The following EFNA5 variants were observed in gnomAD, a reference collection of about 807,000 sequenced individuals.
EFNA5 encodes ephrin-A5.
Under a neutral mutation model 22.9 loss-of-function variants are expected in EFNA5, and 5 were observed. The observed-to-expected ratio is 0.22, with a 90% CI of 0.11 to 0.46. The LOEUF is 0.46. EFNA5 is among the 20% of genes least tolerant of loss of function. The pLI, the probability that EFNA5 is intolerant of heterozygous loss-of-function variation, is 0.99. For missense variants in EFNA5, 237 were observed against 293.3 expected (o/e 0.81, Z 1.40); for synonymous variants, 113 against 112.2 (o/e 1.01, Z -0.04).
chr5:107,498,392 A>G (rs930237999), intron 1 of EFNA5, among the ~76,000 whole-genome samples: 1 of 152,200 alleles, frequency 6.6e-6, no homozygotes, highest in Non-Finnish European at 1.5e-5. Context: ...CTCACTCACA[A>G]ATTTCTTGAT....
intron 1 of EFNA5, among the ~76,000 whole-genome samples, chr5:107,656,851 C>G (rs1045628609): frequency 1.3e-5 from 2 of 152,012 alleles, no homozygotes; most frequent in African/African-American, 4.8e-5. Flanking sequence ...TTAATTAGCT[C>G]TGAAATAAAA....
chr5:107,590,589 T>C (rs6878320), intron 1 of EFNA5, among the ~76,000 whole-genome samples: 3,740 of 151,992 alleles, frequency 0.025, 141 homozygotes, highest in African/African-American at 0.077. Flanking sequence ...GACAGGGTCC[T>C]ACTGTGTTGC....
At chr5:107,456,949 A>G (rs755902231) in intron 1 of EFNA5, among the ~76,000 whole-genome samples, 22 of 152,088 alleles carry the variant, frequency 1.4e-4, no homozygotes, top group Non-Finnish European at 2.8e-4. Flanking sequence ...CTGCTAGTGT[A>G]CACTGCTTCC....
chr5:107,496,261 G>A (rs1746979297), intron 1 of EFNA5, among the ~76,000 whole-genome samples: 1 of 150,130 alleles, frequency 6.7e-6, no homozygotes. Flanking sequence ...ATTTGAACCT[G>A]GGAGGCAGAG....
chr5:107,562,568 G>A (rs1748572536), intron 1 of EFNA5, among the ~76,000 whole-genome samples: 1 of 151,830 alleles, frequency 6.6e-6, no homozygotes, highest in Non-Finnish European at 1.5e-5. Context: ...TTGGTCCCAT[G>A]GCCCATTAAA....
At chr5:107,452,541 C>T (rs1158939194) in intron 1 of EFNA5, among the ~76,000 whole-genome samples, 2 of 151,916 alleles carry the variant, frequency 1.3e-5, no homozygotes, top group East Asian at 3.9e-4. Context: ...CTGAGCAATA[C>T]AGTGAAACCC....
At chr5:107,417,637 T>C (rs1248141958) in intron 2 of EFNA5, among the ~76,000 whole-genome samples, 4 of 152,178 alleles carry the variant, frequency 2.6e-5, no homozygotes, top group African/African-American at 9.6e-5. Context: ...TTCTGGACCA[T>C]AAATCTCAAG....
chr5:107,462,806 C>G (rs1749867506), intron 1 of EFNA5, among the ~76,000 whole-genome samples: 1 of 152,190 alleles, frequency 6.6e-6, no homozygotes, highest in Non-Finnish European at 1.5e-5. Flanking sequence ...TTCTTCCTGA[C>G]ACTCCCAAAT....
At chr5:107,437,159 A>G (rs776603963) in intron 1 of EFNA5, among the ~76,000 whole-genome samples, 16 of 151,858 alleles carry the variant, frequency 1.1e-4, no homozygotes, top group Non-Finnish European at 2.2e-4. Flanking sequence ...TATTAAACAA[A>G]CAAGAAATAA....
chr5:107,539,710 G>C (rs775233753), intron 1 of EFNA5, among the ~76,000 whole-genome samples: 1 of 152,094 alleles, frequency 6.6e-6, no homozygotes, highest in Non-Finnish European at 1.5e-5. Context: ...ACCCACCTCA[G>C]CCTCCCAAAG....
chr5:107,581,093 C>T (rs926970495), intron 1 of EFNA5, among the ~76,000 whole-genome samples: 7 of 152,182 alleles, frequency 4.6e-5, no homozygotes, highest in African/African-American at 1.7e-4. Context: ...TAAAGTTGAG[C>T]AATTCAGGCT....
intron 1 of EFNA5, among the ~76,000 whole-genome samples, chr5:107,659,733 T>C (rs1750906456): frequency 6.6e-6 from 1 of 152,014 alleles, no homozygotes; most frequent in South Asian, 2.1e-4. Context: ...TATGTTAATA[T>C]ATGTATTGAT....
At chr5:107,552,695 T>A (rs1450747978) in intron 1 of EFNA5, among the ~76,000 whole-genome samples, 2 of 152,236 alleles carry the variant, frequency 1.3e-5, no homozygotes, top group Non-Finnish European at 2.9e-5. Context: ...GCTCTGTATA[T>A]TCATGGAGCT....
At chr5:107,393,711 T>C (rs542645650) in intron 2 of EFNA5, among the ~76,000 whole-genome samples, 2 of 152,332 alleles carry the variant, frequency 1.3e-5, no homozygotes, top group African/African-American at 4.8e-5. Context: ...CTGTAGGTTT[T>C]TCATGCAGTT....
chr5:107,661,575 G>C (rs1163142542), intron 1 of EFNA5, among the ~76,000 whole-genome samples: 1 of 152,148 alleles, frequency 6.6e-6, no homozygotes, highest in Admixed American at 6.5e-5. Context: ...TTCTTGCCCT[G>C]AAACAATAGA....
At chr5:107,525,427 G>C (rs1057004626) in intron 1 of EFNA5, among the ~76,000 whole-genome samples, 5 of 152,020 alleles carry the variant, frequency 3.3e-5, no homozygotes, top group African/African-American at 1.2e-4. Flanking sequence ...CCTTACATTT[G>C]ACCAACCTCC....
At chr5:107,472,221 A>G (rs1750160556) in intron 1 of EFNA5, among the ~76,000 whole-genome samples, 1 of 152,224 alleles carries the variant, frequency 6.6e-6, no homozygotes, top group Non-Finnish European at 1.5e-5. Context: ...GACATCTAGC[A>G]GATCTCACAA....
At chr5:107,664,020 C>A (rs1441251907) in intron 1 of EFNA5, among the ~76,000 whole-genome samples, 2 of 152,088 alleles carry the variant, frequency 1.3e-5, no homozygotes, top group Non-Finnish European at 2.9e-5. Context: ...TGTCTCTCAG[C>A]AACTAGCTAG....
intron 1 of EFNA5, among the ~76,000 whole-genome samples, chr5:107,634,139 C>CTA (rs1488065289): frequency 6.6e-6 from 1 of 152,096 alleles, no homozygotes; most frequent in Non-Finnish European, 1.5e-5. Context: ...CCGGTCTAAC[C>CTA]CCCTTTTAAA....
Sources: gnomAD v4.1 joint callset for allele counts (sites outside exome capture counted in the v4.1 genomes callset) on GRCh38, gnomAD v4.1.1 for gene constraint, MANE v1.5 for transcripts, NCBI Gene and HGNC (gene_info 2026-07-23, HGNC 2026-07-21) for gene names.